STIM1: variants seen among roughly 807,000 people sequenced by gnomAD.
STIM1 encodes the protein stromal interaction molecule 1.
Under a neutral mutation model 74.7 loss-of-function variants are expected in STIM1, and 25 were observed. The observed-to-expected ratio is 0.33, with a 90% CI of 0.24 to 0.47. The LOEUF (loss-of-function observed/expected upper bound fraction) is 0.47. Ranked by LOEUF, STIM1 falls within the 20% of genes least tolerant of loss-of-function variation. The pLI, the probability that STIM1 is intolerant of heterozygous loss-of-function variation, is 1.00. For missense variants in STIM1, 728 were observed against 920.8 expected (o/e 0.79, Z 2.71); for synonymous variants, 328 against 348.8 (o/e 0.94, Z 0.66).
chr11:3,891,159 A>G (rs1289652076), intron 1 of STIM1, among the ~76,000 whole-genome samples: 1 of 152,212 alleles, frequency 6.6e-6, no homozygotes, highest in Non-Finnish European at 1.5e-5. Flanking sequence ...TATTATTCTC[A>G]TTTTGTAGAT....
intron 2 of STIM1, among the ~76,000 whole-genome samples, chr11:3,993,627 G>A (rs1180658567): frequency 6.6e-6 from 1 of 152,172 alleles, no homozygotes; most frequent in East Asian, 1.9e-4. Context: ...CTGCACTCCA[G>A]CCTGGGCGAC....
intron 1 of STIM1, among the ~76,000 whole-genome samples, chr11:3,898,021 T>TA (rs2092238811): frequency 6.6e-6 from 1 of 152,206 alleles, no homozygotes; most frequent in Admixed American, 6.5e-5. Flanking sequence ...GTCCTTTGGG[T>TA]TATACCCAGT....
chr11:3,983,132 C>T (rs2093523185), intron 2 of STIM1, among the ~76,000 whole-genome samples: 2 of 152,172 alleles, frequency 1.3e-5, no homozygotes, highest in African/African-American at 4.8e-5. Flanking sequence ...AGGGGTTTCT[C>T]TGTGTTGGCC....
chr11:4,013,538 G>A (rs2093861379), intron 2 of STIM1, among the ~76,000 whole-genome samples: 1 of 151,126 alleles, frequency 6.6e-6, no homozygotes, highest in Admixed American at 6.6e-5. Flanking sequence ...TATTCTCTTT[G>A]TGTAGAGGTG....
intron 1 of STIM1, chr11:3,947,777 C>G (rs1181293484): frequency 1.3e-5 from 2 of 152,158 alleles, no homozygotes; most frequent in Non-Finnish European, 2.9e-5. Flanking sequence ...CAGACTGTAT[C>G]CTACTTCCAG....
chr11:3,950,393 A>G (rs1052647423), intron 1 of STIM1, among the ~76,000 whole-genome samples: 2 of 152,084 alleles, frequency 1.3e-5, no homozygotes, highest in African/African-American at 4.8e-5. Flanking sequence ...CGGCCTCCCA[A>G]AGTGCTGGGA....
chr11:3,948,369 A>T (rs984356582), intron 1 of STIM1, among the ~76,000 whole-genome samples: 1 of 152,032 alleles, frequency 6.6e-6, no homozygotes, highest in Non-Finnish European at 1.5e-5. Context: ...TTTTTTTAAT[A>T]TATAAGAGAA....
chr11:3,893,731 A>C (rs2091967867), intron 1 of STIM1, among the ~76,000 whole-genome samples: 1 of 151,354 alleles, frequency 6.6e-6, no homozygotes, highest in African/African-American at 2.4e-5. Context: ...ATCGCAGCTC[A>C]CTGCAACCTC....
At chr11:4,008,374 T>A (rs942805284) in intron 2 of STIM1, among the ~76,000 whole-genome samples, 1 of 152,138 alleles carries the variant, frequency 6.6e-6, no homozygotes, top group Non-Finnish European at 1.5e-5. Flanking sequence ...GAATGACATA[T>A]AATGAAACCA....
At chr11:3,937,318 A>AATAATAAT (rs2092946314) in intron 1 of STIM1, among the ~76,000 whole-genome samples, 1 of 147,850 alleles carries the variant, frequency 6.8e-6, no homozygotes, top group Non-Finnish European at 1.5e-5. Flanking sequence ...TAATAATAAT[A>AATAATAAT]AAATATCTGG....
chr11:3,857,256 TG>T (rs2090422926), intron 1 of STIM1, among the ~76,000 whole-genome samples: 1 of 151,826 alleles, frequency 6.6e-6, no homozygotes, highest in South Asian at 2.1e-4. Flanking sequence ...TTTTATGTTT[TG>T]TTTTGTTTTT....
In STIM1 at chr11:4,045,788, C is replaced by T. The variant is rs568926472; in HGVS notation, c.386-9738C>T. On this transcript the variant is annotated intron_variant, in intron 3 of 12. Transcript: ENST00000526596. ...TTTTTTTTTTTTTTTTTTTTTGAGACGAAGTTTTGCTCTGTTGCCCAGGCT... is the reference window on the plus strand; with the variant it reads ...TTTTTTTTTTTTTTTTTTTTTGAGATGAAGTTTTGCTCTGTTGCCCAGGCT... Among the ~76,000 whole-genome samples the T allele has an allele frequency of 7.6e-5, 8 of 105,802 alleles. No homozygotes were observed. The East Asian group carries it at 8.3e-4, about 11-fold the overall frequency. 69.4% of individuals were successfully genotyped at this position (105,802 alleles called of 152,430 possible).
At chr11:4,072,882 A>G (rs2094412730) in intron 6 of STIM1, among the ~76,000 whole-genome samples, 1 of 152,130 alleles carries the variant, frequency 6.6e-6, no homozygotes, top group South Asian at 2.1e-4. Flanking sequence ...ATATATCGCC[A>G]TCTGGTGTTC....
At chr11:3,886,992 ACT>A (rs2091735919) in intron 1 of STIM1, among the ~76,000 whole-genome samples, 1 of 151,256 alleles carries the variant, frequency 6.6e-6, no homozygotes, top group Non-Finnish European at 1.5e-5. Context: ...ACAGAGCAAG[ACT>A]CTGTCTCAAA....
intron 1 of STIM1, chr11:3,892,831 A>G (rs1435082230): frequency 4.3e-6 from 7 of 1,612,184 alleles, no homozygotes; most frequent in Non-Finnish European, 4.2e-6. Flanking sequence ...TGAAGGAGAC[A>G]TGGCCCAAGG....
chr11:3,856,512 TGGAG>T, intron 1 of STIM1, 103 bp downstream of exon 1: 1 of 1,424,484 alleles, frequency 7.0e-7, no homozygotes, highest in Non-Finnish European at 9.4e-7. Context: ...GTGAGGTTCA[TGGAG>T]GATTCACACA....
At chr11:3,939,786 C>T (rs2092982413) in intron 1 of STIM1, among the ~76,000 whole-genome samples, 1 of 152,058 alleles carries the variant, frequency 6.6e-6, no homozygotes, top group South Asian at 2.1e-4. Flanking sequence ...TTTCCTTGGC[C>T]AGTATTTTTC....
At chr11:3,924,904 A>G (rs11030276) in intron 1 of STIM1, among the ~76,000 whole-genome samples, 37,300 of 152,150 alleles carry the variant, frequency 0.25, 5,703 homozygotes, top group South Asian at 0.45. Flanking sequence ...CCCTTGAAAG[A>G]CAGTTCCTTT....
intron 1 of STIM1, among the ~76,000 whole-genome samples, chr11:3,915,136 C>T (rs1267683007): frequency 6.6e-6 from 1 of 151,980 alleles, no homozygotes; most frequent in Non-Finnish European, 1.5e-5. Flanking sequence ...TATGAAAATT[C>T]CTTATATATT....
Sources: gnomAD v4.1 joint callset for allele counts (sites outside exome capture counted in the v4.1 genomes callset) on GRCh38, gnomAD v4.1.1 for gene constraint, MANE v1.5 for transcripts, NCBI Gene and HGNC (gene_info 2026-07-23, HGNC 2026-07-21) for gene names.